Variants in RNF38 observed in about 807,000 individuals in gnomAD.
RNF38 encodes E3 ubiquitin-protein ligase RNF38.
RNF38 carries 15 observed loss-of-function variants against 67.2 expected under a neutral mutation model. The observed-to-expected ratio is 0.22, with a 90% CI of 0.15 to 0.34. RNF38 has a LOEUF of 0.34. RNF38 is among the 10% of genes least tolerant of loss of function. RNF38 has a pLI of 1.00. For synonymous variants in RNF38, 220 were observed against 218.8 expected, an observed-to-expected ratio of 1.01 and a Z score of -0.05; for missense variants, 524 against 639.9, an observed-to-expected ratio of 0.82 and a Z score of 1.95.
At chr9:36,407,279 T>C (rs545608211) in intron 2 of RNF38, among the ~76,000 whole-genome samples, 1 of 152,146 alleles carries the variant, frequency 6.6e-6, no homozygotes, top group African/African-American at 2.4e-5. Flanking sequence ...TCCCATATTA[T>C]ATAGCCACTT....
chr9:36,411,157 C>CAAA (rs199916194), intron 2 of RNF38, among the ~76,000 whole-genome samples: 1 of 67,598 alleles, frequency 1.5e-5, no homozygotes, highest in Non-Finnish European at 3.4e-5. Flanking sequence ...AACTGAACAG[C>CAAA]AAAAAAAAAA....
chr9:36,449,636 C>G (rs754109976), intron 1 of RNF38, among the ~76,000 whole-genome samples: 2 of 152,114 alleles, frequency 1.3e-5, no homozygotes, highest in Non-Finnish European at 2.9e-5. Flanking sequence ...GGGGTTTCAC[C>G]GTGTTAGCCA....
intron 2 of RNF38, among the ~76,000 whole-genome samples, chr9:36,406,313 T>G (rs1838180762): frequency 6.6e-6 from 1 of 152,206 alleles, no homozygotes; most frequent in Non-Finnish European, 1.5e-5. Flanking sequence ...AAGGAGGTGC[T>G]GGGGTAAAGA....
At chr9:36,379,391 G>A (rs1414278207) in intron 2 of RNF38, among the ~76,000 whole-genome samples, 2 of 152,224 alleles carry the variant, frequency 1.3e-5, no homozygotes, top group Non-Finnish European at 1.5e-5. Flanking sequence ...AAAGAAATAA[G>A]AATTATATTA....
intron 1 of RNF38, among the ~76,000 whole-genome samples, chr9:36,427,644 T>C (rs914116823): frequency 4.0e-5 from 6 of 151,150 alleles, no homozygotes; most frequent in Admixed American, 4.0e-4. Context: ...TCCTTGATCT[T>C]GAATTTCCCA....
intron 2 of RNF38, among the ~76,000 whole-genome samples, chr9:36,387,342 A>G (rs563230196): frequency 3.3e-5 from 5 of 152,354 alleles, no homozygotes; most frequent in South Asian, 2.1e-4. Context: ...AATAAAAGCT[A>G]TAACATAGCA....
chr9:36,476,576 C>T (rs574271823), intron 1 of RNF38, among the ~76,000 whole-genome samples: 4 of 136,734 alleles, frequency 2.9e-5, no homozygotes, highest in East Asian at 4.2e-4. Context: ...CAGGCTGGAG[C>T]GCGATGGCAT....
chr9:36,351,341 C>G (rs1464137007), intron 8 of RNF38, 142 bp from the exon 9 acceptor site: 1 of 577,544 alleles, frequency 1.7e-6, no homozygotes, highest in Non-Finnish European at 3.0e-6. Context: ...TATGCAAGAA[C>G]TGTACAATAA....
intron 1 of RNF38, among the ~76,000 whole-genome samples, chr9:36,456,442 G>A (rs1461114388): frequency 6.6e-6 from 1 of 152,144 alleles, no homozygotes; most frequent in Non-Finnish European, 1.5e-5. Flanking sequence ...TCACTAAAAT[G>A]CAAAGTAATT....
intron 6 of RNF38, among the ~76,000 whole-genome samples, chr9:36,354,367 A>AT (rs1833936712): frequency 6.6e-6 from 1 of 152,162 alleles, no homozygotes. Flanking sequence ...ACTTTTTTGT[A>AT]TTTTTAGTAG....
At chr9:36,401,906 CTCTT>C (rs1419323643), upstream of RNF38, among the ~76,000 whole-genome samples, 1 of 152,328 alleles carries the variant, frequency 6.6e-6, no homozygotes, top group South Asian at 2.1e-4. Flanking sequence ...AAACCAGTCT[CTCTT>C]TCCCTCTCTG....
In RNF38 at chr9:36,353,223, G is replaced by A. The variant is rs1465901045; in HGVS notation, c.1018C>T (p.Pro340Ser). The A allele has an allele frequency of 6.2e-7, 1 of 1,614,002 alleles. No individual in the cohort carries two copies. Reference protein sequence around the residue: ...AHPPTLPPSAPLQFLTHDPLH... With the variant: ...AHPPTLPPSASLQFLTHDPLH... ...GGATCATGTGTTAAGAACTGCAAGG[G>A]AGCTGATGGAGGTAATGTTGGGGGG... Residue 340 changes from proline (P) to serine (S), a missense_variant, in exon 7 of 12, where the codon CCC becomes TCC. This residue lies in a region of RNF38 where 461 missense variants were observed against 517.4 expected (regional missense o/e 0.89). Coordinates refer to ENST00000259605, the MANE Select transcript of RNF38 (RefSeq NM_022781.5).
chr9:36,411,438 AAGC>A (rs1838322759), intron 2 of RNF38, among the ~76,000 whole-genome samples: 1 of 152,224 alleles, frequency 6.6e-6, no homozygotes, highest in Non-Finnish European at 1.5e-5. Flanking sequence ...AAAGAACTGA[AAGC>A]AGGGTTGAAG....
At chr9:36,399,618 T>C (rs1837844160) in intron 1 of RNF38, among the ~76,000 whole-genome samples, 1 of 151,610 alleles carries the variant, frequency 6.6e-6, no homozygotes, top group Admixed American at 6.6e-5. Flanking sequence ...TTTCATCTTT[T>C]TATTCCAAGT....
chr9:36,403,068 G>C (rs2134171638), upstream of RNF38, among the ~76,000 whole-genome samples: 1 of 152,236 alleles, frequency 6.6e-6, no homozygotes, highest in South Asian at 2.1e-4. Flanking sequence ...CCAGAATGCT[G>C]GGATTACAGG....
intron 1 of RNF38, among the ~76,000 whole-genome samples, chr9:36,434,629 T>C (rs1188513641): frequency 1.3e-5 from 2 of 152,210 alleles, no homozygotes; most frequent in African/African-American, 4.8e-5. Context: ...CCTCAGGTGA[T>C]CTGCCCATCT....
At chr9:36,370,777 G>A (rs541218834) in intron 3 of RNF38, among the ~76,000 whole-genome samples, 6 of 152,090 alleles carry the variant, frequency 3.9e-5, no homozygotes, top group African/African-American at 1.4e-4. Context: ...GCGTGGTGGT[G>A]TGCACCTATA....
chr9:36,367,644 C>T (rs1233910504), intron 4 of RNF38, among the ~76,000 whole-genome samples: 1 of 152,042 alleles, frequency 6.6e-6, no homozygotes, highest in African/African-American at 2.4e-5. Context: ...TTTTAATACA[C>T]CACTAGCTAT....
intron 1 of RNF38, among the ~76,000 whole-genome samples, chr9:36,443,407 T>C (rs761336618): frequency 2.6e-5 from 4 of 152,202 alleles, no homozygotes; most frequent in Non-Finnish European, 4.4e-5. Flanking sequence ...ATTAAAGCAA[T>C]GGCTGAAAGT....
Sources: allele counts gnomAD v4.1 joint callset (sites outside exome capture counted in the v4.1 genomes callset), GRCh38; gene constraint gnomAD v4.1.1; regional missense constraint gnomAD v4.1.1; transcripts MANE v1.5; gene names NCBI Gene and HGNC (gene_info 2026-07-23, HGNC 2026-07-21).